Variants in TFAP2E observed in about 807,000 individuals in gnomAD.
TFAP2E encodes transcription factor AP-2-epsilon.
TFAP2E carries 30 observed loss-of-function variants against 37.9 expected under a neutral mutation model. That is an observed-to-expected ratio of 0.79 (90% CI 0.59 to 1.07). TFAP2E has a LOEUF of 1.07. Ranked by LOEUF, TFAP2E falls within the 50% of genes least tolerant of loss-of-function variation. The probability of loss-of-function intolerance (pLI) is 0.00; values close to 1 mark genes in which losing one functional copy is unlikely to be tolerated. For missense variants in TFAP2E, 567 were observed against 637.9 expected (o/e 0.89, Z 1.20); for synonymous variants, 318 against 295.8 (o/e 1.08, Z -0.77).
intron 6 of TFAP2E, among the ~76,000 whole-genome samples, chr1:35,591,506 C>T (rs1487469674): frequency 1.3e-5 from 2 of 152,144 alleles, no homozygotes. Flanking sequence ...CACCTCTACT[C>T]AGGTCTTCAT....
At chr1:35,574,514 C>G (rs752224306) in intron 2 of TFAP2E, 105 bp downstream of exon 2, 17 of 1,329,280 alleles carry the variant, frequency 1.3e-5, no homozygotes, top group Non-Finnish European at 1.4e-5. Context: ...TTTCTCCCAG[C>G]TCGCCACATC....
intron 6 of TFAP2E, 75 bp from the exon 7 acceptor site, chr1:35,594,319 T>C (rs548147104): frequency 1.3e-6 from 2 of 1,549,012 alleles, no homozygotes; most frequent in East Asian, 2.3e-5. Flanking sequence ...GTCTGTAAAA[T>C]GCCTAGCATG....
In TFAP2E at chr1:35,573,467, G is replaced by T. The variant is rs888733477; in HGVS notation, c.-111G>T. 2 of 1,339,546 alleles carry T rather than the reference G, an allele frequency of 1.5e-6. No individual in the cohort carries two copies. Among genetic ancestry groups the T allele is most frequent in the Non-Finnish European group, 1.9e-6 (2 of 1,036,400 alleles). 83.0% of individuals were successfully genotyped at this position (1,339,546 alleles called of 1,614,324 possible). A position where few individuals can be genotyped will look rare whatever the true frequency, so the allele number is the denominator to read the frequency against. On this transcript the variant is annotated 5_prime_UTR_variant, in exon 1 of 7. Transcript: ENST00000373235. This position sits in a 1 kb window ranked among gnomAD's most constrained non-coding sequence, Gnocchi z 5.9. ...CCCGGCTGGGTCGCACCCAGCTACC[G>T]CACCGTGACCTCCGCGGGCTGTGCC...
rs1649766267 is a variant in TFAP2E, at chr1:35,594,303, G to A, written c.1047-91G>A. 15 of 1,495,984 alleles carry A rather than the reference G, an allele frequency of 1.0e-5. 1 individual carries two copies. In the South Asian group the frequency reaches 1.8e-4, roughly 18 times the overall value. The allele number at this position is 1,495,984 out of a possible 1,614,324, so 92.7% of individuals were successfully genotyped here. ...TGTTGGGAGGGTCAGCAATTGTGTAGCTAATGTCTGTAAAATGCCTAGCAT... is the reference window on the plus strand; with the variant it reads ...TGTTGGGAGGGTCAGCAATTGTGTAACTAATGTCTGTAAAATGCCTAGCAT... On this transcript the variant is annotated intron_variant, in intron 6 of 6. Coordinates refer to ENST00000373235, the MANE Select transcript of TFAP2E (RefSeq NM_178548.4).
In TFAP2E at chr1:35,590,628, C is replaced by T; in HGVS notation, c.905-6C>T. The T allele has an allele frequency of 6.7e-7, 1 of 1,483,302 alleles. No homozygotes were observed. The highest frequency in any genetic ancestry group is 9.1e-7 in the Non-Finnish European group (1 of 1,104,748). The allele number at this position is 1,483,302 out of a possible 1,614,324, so 91.9% of individuals were successfully genotyped here. ...CCTGCAGTAGTGACAGCTCCCCTCCCCCCAGGAGAGGCCGTGCACCTGGCC... is the reference window on the plus strand; with the variant it reads ...CCTGCAGTAGTGACAGCTCCCCTCCTCCCAGGAGAGGCCGTGCACCTGGCC... On this transcript the variant is annotated splice_polypyrimidine_tract_variant and splice_region_variant and intron_variant, in intron 5 of 6. Transcript: ENST00000373235. The surrounding 1 kb of genome is among the most constrained non-coding windows in gnomAD (Gnocchi z 6.2).
rs1649078167 is a variant in TFAP2E, at chr1:35,573,704, G to A, written c.27+100G>A. ...TGTCCCGCGCTAACGAAATCTCGGA[G>A]GGAGGGGGCCGCAGGGACTTCGCCA... is the stretch of plus-strand genomic sequence containing the variant. On this transcript the variant is annotated intron_variant, in intron 1 of 6. Coordinates refer to ENST00000373235, the MANE Select transcript of TFAP2E (RefSeq NM_178548.4). The surrounding 1 kb of genome is among the most constrained non-coding windows in gnomAD (Gnocchi z 5.9). The A allele has an allele frequency of 6.7e-7, 1 of 1,490,200 alleles. No individual in the cohort carries two copies. The highest frequency in any genetic ancestry group is 9.0e-7 in the Non-Finnish European group (1 of 1,114,436). The allele number at this position is 1,490,200 out of a possible 1,614,324, so 92.3% of individuals were successfully genotyped here. A position where few individuals can be genotyped will look rare whatever the true frequency, so the allele number is the denominator to read the frequency against.
Position 35,588,283 on chromosome 1 carries a change from G to A in TFAP2E, c.563-47G>A, listed in dbSNP as rs1649547045. 6.4e-7 allele frequency: 1 copy of A among 1,552,414 alleles called. No homozygotes were observed. On this transcript the variant is annotated intron_variant, in intron 3 of 6. Transcript: ENST00000373235. This position sits in a 1 kb window ranked among gnomAD's most constrained non-coding sequence, Gnocchi z 5.1. ...GGATACCAGACCCTCCCTTGAGTGG[G>A]GCTGTGTGCGGCAGCCACTGGCTCA... is the stretch of plus-strand genomic sequence containing the variant.
In TFAP2E at chr1:35,574,124, CT is replaced by C. The variant is rs1254809434; in HGVS notation, c.228del (p.His78ThrfsTer100). On this transcript the variant is annotated frameshift_variant, in exon 2 of 7. Transcript: ENST00000373235. LOFTEE classifies it high-confidence loss of function. ...YGQAPDAAAA[F>X]PHLAGDPYGG... ...GTCAGGCGCCCGACGCCGCCGCAGC[CT>C]TTCCCCACCTGGCAGGGGACCCATA... 1.4e-6 allele frequency: 2 copies of C among 1,455,388 alleles called. No homozygotes were observed. Among genetic ancestry groups the C allele is most frequent in the Non-Finnish European group, 1.8e-6 (2 of 1,105,572 alleles). The allele number at this position is 1,455,388 out of a possible 1,614,324, so 90.2% of individuals were successfully genotyped here.
intron 3 of TFAP2E, among the ~76,000 whole-genome samples, chr1:35,575,826 A>G (rs1167104852): frequency 1.3e-5 from 2 of 152,070 alleles, no homozygotes; most frequent in Non-Finnish European, 2.9e-5. Flanking sequence ...CTCTCTGTGT[A>G]TATATAGGAG....
intron 4 of TFAP2E, among the ~76,000 whole-genome samples, chr1:35,589,186 CTCTGTGTGTGTGTGTGTGTG>C (rs1424143362): frequency 0.013 from 1,786 of 133,624 alleles, 35 homozygotes; most frequent in East Asian, 0.072. Context: ...GTGTGTCCTG[CTCTGTGTGTGTGTGTGTGTG>C]TGTGTGTGTG....
rs149000178 is a variant in TFAP2E at position 35,591,832 on chromosome 1, G to A, written c.1046+1057G>A. 2.6e-3 allele frequency among the ~76,000 whole-genome samples: 394 copies of A among 152,226 alleles called. 3 individuals carry two copies. Among genetic ancestry groups the A allele is most frequent in the African/African-American group, 9.2e-3 (383 of 41,538 alleles). On this transcript the variant is annotated intron_variant, in intron 6 of 6. Transcript: ENST00000373235. ...CTCCCGAGTAGCTGGGATCACAGGC[G>A]CCTGCCACCAGGCCCAGCTAATTTT...
At position 35,590,771 on chromosome 1, in the gene TFAP2E, GC is replaced by G. The variant is rs1649642137; in HGVS notation, c.1044del (p.Lys349SerfsTer10). On this transcript the variant is annotated frameshift_variant, in exon 6 of 7. Coordinates refer to ENST00000373235, the MANE Select transcript of TFAP2E (RefSeq NM_178548.4). LOFTEE classifies it high-confidence loss of function. This position sits in a 1 kb window ranked among gnomAD's most constrained non-coding sequence, Gnocchi z 6.2. Reference protein sequence around the residue: ...LHSRKSMLLAAKQICKEFADL... With the variant: ...LHSRKSMLLAXKQICKEFADL... ...CAGCCGCAAGAGCATGCTGCTGGCT[GC>G]CAAGTGAGTGAGGGCACCCTGCACA... is the stretch of plus-strand genomic sequence containing the variant. The G allele has an allele frequency of 6.9e-7, 1 of 1,450,448 alleles. No individual in the cohort carries two copies. Among genetic ancestry groups the G allele is most frequent in the Non-Finnish European group, 9.2e-7 (1 of 1,086,758 alleles). 89.8% of individuals were successfully genotyped at this position (1,450,448 alleles called of 1,614,324 possible).
chr1:35,585,011 C>T (rs1280869692), intron 3 of TFAP2E, among the ~76,000 whole-genome samples: 1 of 152,142 alleles, frequency 6.6e-6, no homozygotes, highest in Non-Finnish European at 1.5e-5. Context: ...GGAAGACACC[C>T]ATGGAAACAG....
At chr1:35,586,048 C>CAA (rs71657685) in intron 3 of TFAP2E, among the ~76,000 whole-genome samples, 1 of 146,440 alleles carries the variant, frequency 6.8e-6, no homozygotes, top group African/African-American at 2.5e-5. Context: ...GACCCTGTCT[C>CAA]AAAAAAAAAA....
At chr1:35,582,562 CA>C (rs915360776) in intron 3 of TFAP2E, among the ~76,000 whole-genome samples, 5 of 145,856 alleles carry the variant, frequency 3.4e-5, no homozygotes, top group Non-Finnish European at 7.5e-5. Flanking sequence ...AGGCTGGTCT[CA>C]AACTCCTGGC....
chr1:35,577,143 C>CGCA lies in TFAP2E; in HGVS notation c.562+2153_562+2155dup, dbSNP rs1649202759. ...AGCCTAGACGTCAAGTTACAGCCCGCGCAGCAGCAGCAAAGGGGAAGGGGC... is the reference window on the plus strand; with the variant it reads ...AGCCTAGACGTCAAGTTACAGCCCGCGCAGCAGCAGCAGCAAAGGGGAAGGGGC... On this transcript the variant is annotated intron_variant, in intron 3 of 6. Transcript: ENST00000373235. This position sits in a 1 kb window ranked among gnomAD's most constrained non-coding sequence, Gnocchi z 6.3. 6.6e-6 allele frequency among the ~76,000 whole-genome samples: 1 copy of CGCA among 152,232 alleles called. No homozygotes were observed. The highest frequency in any genetic ancestry group is 2.4e-5 in the African/African-American group (1 of 41,462).
rs111584408 is a variant in TFAP2E, at chr1:35,586,912, C to T, written c.563-1418C>T. Among the ~76,000 whole-genome samples, 162 of 152,360 alleles carry T rather than the reference C, an allele frequency of 1.1e-3. 1 individual carries two copies. Among genetic ancestry groups the T allele is most frequent in the African/African-American group, 3.7e-3 (154 of 41,594 alleles). ...TATTGCCAAGTGGCTGGAAGGCTAA[C>T]AGCACCGCCTTTGAGACTGCAGTCT... On this transcript the variant is annotated intron_variant, in intron 3 of 6. Coordinates refer to ENST00000373235, the MANE Select transcript of TFAP2E (RefSeq NM_178548.4).
Position 35,594,782 on chromosome 1 carries a change from A to C in TFAP2E, c.*106A>C. ...TGAAAGGTGGGATTAGAGTCAGGCC[A>C]GAAAGAGAACATTCATCCAGAGATC... On this transcript the variant is annotated 3_prime_UTR_variant, in exon 7 of 7. Transcript: ENST00000373235. 6.6e-7 allele frequency: 1 copy of C among 1,512,848 alleles called. No individual in the cohort carries two copies. The highest frequency in any genetic ancestry group is 8.9e-7 in the Non-Finnish European group (1 of 1,124,410). The allele number at this position is 1,512,848 out of a possible 1,614,324, so 93.7% of individuals were successfully genotyped here.
chr1:35,585,172 A>T (rs1320926052), intron 3 of TFAP2E, among the ~76,000 whole-genome samples: 3 of 151,960 alleles, frequency 2.0e-5, no homozygotes, highest in Non-Finnish European at 4.4e-5. Flanking sequence ...GGGCTCAAAG[A>T]GCTCACACCC....
Sources: gnomAD v4.1 joint callset for allele counts (sites outside exome capture counted in the v4.1 genomes callset) on GRCh38, gnomAD v4.1.1 for gene constraint, Gnocchi (gnomAD v3.1) non-coding constraint, MANE v1.5 for transcripts, NCBI Gene and HGNC (gene_info 2026-07-23, HGNC 2026-07-21) for gene names.